The following ARHGAP17 variants were observed in gnomAD, a reference collection of about 807,000 sequenced individuals.
ARHGAP17 encodes the protein Rho GTPase activating protein 17.
Under a neutral mutation model 99.5 loss-of-function variants are expected in ARHGAP17, and 57 were observed. That is an observed-to-expected ratio of 0.57 (90% CI 0.46 to 0.71). The LOEUF (loss-of-function observed/expected upper bound fraction) is 0.71. Among genes scored for constraint, ARHGAP17 ranks in the 30% least tolerant of loss-of-function variants. The probability of loss-of-function intolerance (pLI) is 0.00; values close to 1 mark genes in which losing one functional copy is unlikely to be tolerated. For missense variants in ARHGAP17, 1,000 were observed against 1,122.4 expected (o/e 0.89, Z 1.56); for synonymous variants, 417 against 429.6 (o/e 0.97, Z 0.36).
At position 24,931,041 on chromosome 16, in the gene ARHGAP17, G is replaced by A. The variant is rs1856332034; in HGVS notation, c.2258C>T (p.Thr753Ile). The change falls in exon 19 of 20, where the codon ACC becomes ATC. Residue 753 changes from threonine to isoleucine, a missense_variant. Physicochemically the swap from Thr to Ile is moderately conservative, Grantham distance 89 (BLOSUM62 -1). This residue lies in a region of ARHGAP17 where 528 missense variants were observed against 511.4 expected (regional missense o/e 1.03). Transcript: ENST00000289968. ...SEHGLEQPSH[T>I]PPQTPTPPST... The stretch of plus-strand genomic sequence containing the variant: ...GGGGGGCGTTGGAGTCTGGGGAGGG[G>A]TGTGAGATGGCTGCTCAAGTCCATG... 6.2e-7 allele frequency: 1 copy of A among 1,609,560 alleles called. No individual in the cohort carries two copies.
At chr16:24,975,032 T>C (rs1246421693) in intron 3 of ARHGAP17, among the ~76,000 whole-genome samples, 2 of 152,094 alleles carry the variant, frequency 1.3e-5, no homozygotes, top group Non-Finnish European at 2.9e-5. Context: ...CGCAAGCCTG[T>C]AGTCCCAGCT....
chr16:24,949,215 C>T (rs1368287228), intron 13 of ARHGAP17, 189 bp downstream of exon 13: 2 of 484,406 alleles, frequency 4.1e-6, no homozygotes, highest in East Asian at 3.3e-5. Flanking sequence ...GATACTGATG[C>T]TTCAAATTCA....
intron 19 of ARHGAP17, 88 bp from the exon 20 acceptor site, chr16:24,920,348 G>A (rs1033960967): frequency 3.1e-5 from 48 of 1,529,572 alleles, no homozygotes; most frequent in Non-Finnish European, 3.9e-5. Context: ...AGAGAGGCTG[G>A]GAAGTTTCAG....
Position 24,955,197 on chromosome 16 carries a change from T to A in ARHGAP17, c.725-467A>T, listed in dbSNP as rs2051771363. The A allele has an allele frequency of 6.5e-6, 1 of 154,272 alleles. No homozygotes were observed. Among genetic ancestry groups the A allele is most frequent in the Non-Finnish European group, 1.4e-5 (1 of 69,436 alleles). The allele number at this position is 154,272 out of a possible 1,614,324, so 9.6% of individuals were successfully genotyped here. A position where few individuals can be genotyped will look rare whatever the true frequency, so the allele number is the denominator to read the frequency against. ...GATCTCTGAAAATTTCAAACACAAG[T>A]TAAGTATCTGTCATACAAGACTGGA... On this transcript the variant is annotated intron_variant, in intron 9 of 19. Transcript: ENST00000289968. The surrounding 1 kb of genome is among the most constrained non-coding windows in gnomAD (Gnocchi z 4.0).
chr16:24,963,749 C>T (rs1293452563), intron 7 of ARHGAP17, among the ~76,000 whole-genome samples: 1 of 152,202 alleles, frequency 6.6e-6, no homozygotes, highest in Non-Finnish European at 1.5e-5. Context: ...TCCTTATCTT[C>T]TCCAAGGACA....
At position 24,977,202 on chromosome 16, in the gene ARHGAP17, A is replaced by G; in HGVS notation, c.198+13T>C. 1 of 1,565,394 alleles carries G rather than the reference A, an allele frequency of 6.4e-7. No individual in the cohort carries two copies. The highest frequency in any genetic ancestry group is 8.7e-7 in the Non-Finnish European group (1 of 1,146,418). Reference sequence around the variant, plus strand: ...CGCAGGAACTGTGGGTCTGAGTCACATCTGATACTCACGTGTCTCCTCTCG... The same window carrying G: ...CGCAGGAACTGTGGGTCTGAGTCACGTCTGATACTCACGTGTCTCCTCTCG... On this transcript the variant is annotated intron_variant, in intron 3 of 19. Coordinates refer to ENST00000289968, the MANE Select transcript of ARHGAP17 (RefSeq NM_001006634.3).
intron 1 of ARHGAP17, among the ~76,000 whole-genome samples, chr16:24,983,830 C>A (rs2052775061): frequency 6.6e-6 from 1 of 152,204 alleles, no homozygotes; most frequent in Admixed American, 6.6e-5. Context: ...TTACTAGTCA[C>A]TCAAGCAAGG....
chr16:25,000,329 G>A (rs1195230493), intron 1 of ARHGAP17, among the ~76,000 whole-genome samples: 1 of 152,158 alleles, frequency 6.6e-6, no homozygotes, highest in Non-Finnish European at 1.5e-5. Flanking sequence ...TTTGGACACA[G>A]GCAGAACAAC....
At chr16:24,975,107 C>T (rs896926735) in intron 3 of ARHGAP17, among the ~76,000 whole-genome samples, 2 of 152,190 alleles carry the variant, frequency 1.3e-5, no homozygotes, top group African/African-American at 2.4e-5. Flanking sequence ...GGGCCGGGAT[C>T]GTGCCACTAC....
At chr16:24,999,496 A>C (rs2053299568) in intron 1 of ARHGAP17, among the ~76,000 whole-genome samples, 2 of 152,098 alleles carry the variant, frequency 1.3e-5, no homozygotes, top group Non-Finnish European at 2.9e-5. Context: ...GACTCACTGC[A>C]GCTCCGGCTC....
At chr16:24,954,967 C>T in intron 9 of ARHGAP17, 1 of 474,272 alleles carries the variant, frequency 2.1e-6, no homozygotes, top group Non-Finnish European at 3.7e-6. Context: ...ATGGCACCAA[C>T]TCAGGCTGCC....
chr16:24,963,389 T>G (rs550686303), intron 7 of ARHGAP17, among the ~76,000 whole-genome samples: 1 of 152,316 alleles, frequency 6.6e-6, no homozygotes, highest in African/African-American at 2.4e-5. Flanking sequence ...AGGTTTGCTA[T>G]TTTGAAAAGC....
intron 12 of ARHGAP17, among the ~76,000 whole-genome samples, chr16:24,951,269 A>G (rs981829478): frequency 6.6e-6 from 1 of 152,208 alleles, no homozygotes; most frequent in Admixed American, 6.5e-5. Flanking sequence ...TCTGCCAATT[A>G]CTTGCTACTC....
chr16:24,970,046 G>C (rs573049444), intron 4 of ARHGAP17, among the ~76,000 whole-genome samples: 1 of 131,954 alleles, frequency 7.6e-6, no homozygotes, highest in African/African-American at 2.6e-5. Context: ...AAGAATACAT[G>C]ACAATTGTAA....
At position 25,000,386 on chromosome 16, in the gene ARHGAP17, A is replaced by C. The variant is rs80296915; in HGVS notation, c.53+14823T>G. ...ACATCTGCAAATAACATTTCTCTAG[A>C]GAGCAGCTCCCAGCATGGGAACTGT... On this transcript the variant is annotated intron_variant, in intron 1 of 19. Coordinates refer to ENST00000289968, the MANE Select transcript of ARHGAP17 (RefSeq NM_001006634.3). Among the ~76,000 whole-genome samples the C allele has an allele frequency of 3.6e-3, 544 of 152,310 alleles. 1 individual carries two copies. Among genetic ancestry groups the C allele is most frequent in the African/African-American group, 0.013 (528 of 41,574 alleles).
intron 1 of ARHGAP17, among the ~76,000 whole-genome samples, chr16:25,009,194 C>T (rs1002576668): frequency 2.6e-5 from 4 of 152,112 alleles, no homozygotes; most frequent in African/African-American, 9.7e-5. Context: ...GGCAAAACTC[C>T]ATCTCTACTA....
At chr16:24,995,854 A>G (rs989699432) in intron 1 of ARHGAP17, among the ~76,000 whole-genome samples, 2 of 152,202 alleles carry the variant, frequency 1.3e-5, no homozygotes, top group Non-Finnish European at 2.9e-5. Context: ...ACCAACAAAT[A>G]AAACTGCACT....
intron 18 of ARHGAP17, among the ~76,000 whole-genome samples, chr16:24,931,731 A>G (rs1453581616): frequency 1.3e-5 from 2 of 151,852 alleles, no homozygotes; most frequent in African/African-American, 2.4e-5. Context: ...ATGACTACAT[A>G]TAATGTGGGC....
intron 7 of ARHGAP17, among the ~76,000 whole-genome samples, chr16:24,961,468 C>A (rs2051995650): frequency 7.3e-6 from 1 of 137,090 alleles, no homozygotes; most frequent in African/African-American, 2.8e-5. Flanking sequence ...AATTTGAGAA[C>A]AGCCTGGACA....
Sources: allele counts gnomAD v4.1 joint callset (sites outside exome capture counted in the v4.1 genomes callset), GRCh38; gene constraint gnomAD v4.1.1; regional missense constraint gnomAD v4.1.1; non-coding constraint Gnocchi (gnomAD v3.1); transcripts MANE v1.5; gene names NCBI Gene and HGNC (gene_info 2026-07-23, HGNC 2026-07-21).